The following GSDMD variants were observed in gnomAD, a reference collection of about 807,000 sequenced individuals.
The protein encoded by GSDMD is gasdermin D.
GSDMD carries 46 observed loss-of-function variants against 46.7 expected under a neutral mutation model. That is an observed-to-expected ratio of 0.99 (90% CI 0.78 to 1.26). The LOEUF (loss-of-function observed/expected upper bound fraction) is 1.26, where lower values mean the gene tolerates loss of function less well. Among genes scored for constraint, GSDMD ranks in the 50% most tolerant of loss-of-function variants. The probability of loss-of-function intolerance (pLI) is 0.00; values close to 1 mark genes in which losing one functional copy is unlikely to be tolerated. For missense variants in GSDMD, 649 were observed against 638.8 expected (o/e 1.02, Z -0.17); for synonymous variants, 307 against 283.1 (o/e 1.08, Z -0.85).
In GSDMD at chr8:143,562,063, C is replaced by T; in HGVS notation, c.928C>T (p.Gln310Ter). The change falls in exon 8 of 11, where the codon CAG becomes TAG. Residue 310 changes from glutamine to a stop codon, truncating the protein, a stop_gained. Coordinates refer to ENST00000262580, the MANE Select transcript of GSDMD (RefSeq NM_024736.7). LOFTEE classifies it high-confidence loss of function. ...GGAGCTTTTGGACAGAGAGCTGTGC[C>T]AGCTGCTGCTGGAGGGCCTGGAGGG... The part of the protein sequence containing the change: ...ELELLDRELC[Q>*]LLLEGLEGVL... 2 of 1,597,208 alleles carry T rather than the reference C, an allele frequency of 1.3e-6. No homozygotes were observed. Among genetic ancestry groups the T allele is most frequent in the Non-Finnish European group, 1.7e-6 (2 of 1,176,768 alleles).
At position 143,558,646 on chromosome 8, in the gene GSDMD, C is replaced by CTGGGCT. The variant is rs1020050451; in HGVS notation, c.-5+204_-5+209dup. 4 of 602,818 alleles carry CTGGGCT rather than the reference C, an allele frequency of 6.6e-6. No homozygotes were observed. The African/African-American group carries it at 7.9e-5, about 12-fold the overall frequency. The allele number at this position is 602,818 out of a possible 1,614,324, so 37.3% of individuals were successfully genotyped here. On this transcript the variant is annotated intron_variant, in intron 1 of 10. Transcript: ENST00000262580. ...CAGCCCAGGGGCCCGGCCTTTGGACCTGGGCTTGGGCTTGACTCCCAGGTC... is the reference window on the plus strand; with the variant it reads ...CAGCCCAGGGGCCCGGCCTTTGGACCTGGGCTTGGGCTTGGGCTTGACTCCCAGGTC...
At chr8:143,554,258 C>T (rs1484050146), upstream of GSDMD, among the ~76,000 whole-genome samples, 4 of 152,272 alleles carry the variant, frequency 2.6e-5, 1 homozygote, top group Non-Finnish European at 5.9e-5. Flanking sequence ...CAGAGGCCCA[C>T]TTACATATAA....
intron 1 of GSDMD, 117 bp from the exon 2 acceptor site, chr8:143,559,215 G>C: frequency 1.5e-6 from 1 of 681,992 alleles, no homozygotes; most frequent in Non-Finnish European, 2.5e-6. Context: ...GAGCTGGGCA[G>C]GGCTGTTCTG....
At chr8:143,562,389 G>T (rs1271029475) in intron 9 of GSDMD, 39 bp downstream of exon 9, 1 of 1,547,210 alleles carries the variant, frequency 6.5e-7, no homozygotes. Flanking sequence ...GTGGGAGGGA[G>T]GGAGGTGGGC....
rs377242048 is a variant in GSDMD, at chr8:143,562,198, C to T, written c.997-11C>T. Reference sequence around the variant, plus strand: ...GCCAGCCAGACTCACCTGCCCTTCCCGTGCCCACAGCTGGAGCAGGGCCAG... The same window carrying T: ...GCCAGCCAGACTCACCTGCCCTTCCTGTGCCCACAGCTGGAGCAGGGCCAG... On this transcript the variant is annotated splice_polypyrimidine_tract_variant and intron_variant, in intron 8 of 10. Coordinates refer to ENST00000262580, the MANE Select transcript of GSDMD (RefSeq NM_024736.7). The T allele has an allele frequency of 2.0e-5, 32 of 1,585,144 alleles. No individual in the cohort carries two copies. The highest frequency in any genetic ancestry group is 7.8e-5 in the South Asian group (7 of 89,186).
At position 143,563,008 on chromosome 8, in the gene GSDMD, C is replaced by A; in HGVS notation, c.*104C>A. 1 of 1,476,230 alleles carries A rather than the reference C, an allele frequency of 6.8e-7. No homozygotes were observed. Among genetic ancestry groups the A allele is most frequent in the South Asian group, 1.2e-5 (1 of 85,136 alleles). The allele number at this position is 1,476,230 out of a possible 1,614,324, so 91.4% of individuals were successfully genotyped here. ...GGAGCCCAGTAGCCATGTGGCCAGT[C>A]TACCATGGGGCCCAGGAGTTGGGGA... On this transcript the variant is annotated 3_prime_UTR_variant, in exon 11 of 11. Coordinates refer to ENST00000262580, the MANE Select transcript of GSDMD (RefSeq NM_024736.7).
intron 6 of GSDMD, 51 bp downstream of exon 6, chr8:143,561,474 C>T (rs1177209639): frequency 1.3e-6 from 2 of 1,561,864 alleles, no homozygotes; most frequent in Non-Finnish European, 1.7e-6. Context: ...AAAGCACACT[C>T]CCTGGGCAGT....
upstream of GSDMD, among the ~76,000 whole-genome samples, chr8:143,556,241 G>T (rs1008183796): frequency 6.3e-4 from 96 of 152,108 alleles, no homozygotes; most frequent in Non-Finnish European, 5.7e-4. Context: ...TTAGCCGGGT[G>T]TGGTGGTACA....
chr8:143,558,408 GCAGACGCGC>G lies in GSDMD; in HGVS notation c.-36_-28del, dbSNP rs1384507081. The G allele has an allele frequency of 8.6e-6, 13 of 1,511,570 alleles. No homozygotes were observed. Among genetic ancestry groups the G allele is most frequent in the East Asian group, 8.1e-5 (3 of 37,256 alleles). 93.6% of individuals were successfully genotyped at this position (1,511,570 alleles called of 1,614,324 possible). A position where few individuals can be genotyped will look rare whatever the true frequency, so the allele number is the denominator to read the frequency against. On this transcript the variant is annotated 5_prime_UTR_variant, in exon 1 of 11. Coordinates refer to ENST00000262580, the MANE Select transcript of GSDMD (RefSeq NM_024736.7). ...GCTCGCCGGACGGCTCCCAGGGAGA[GCAGACGCGC>G]CAGACGCGCCACCCTCGGGGCGCCG... is the stretch of plus-strand genomic sequence containing the variant.
Position 143,560,713 on chromosome 8 carries a change from G to T in GSDMD, c.521G>T (p.Arg174Leu). The change falls in exon 4 of 11, where the codon CGC becomes CTC. Residue 174 changes from arginine (R) to leucine (L), a missense_variant. By Grantham distance (102) the Arg-to-Leu change is moderately radical. Transcript: ENST00000262580. ...ACACAGAAGGAGGTGGAAGTCACGC[G>T]CACCCACAAGCGGGAGGGCTCGGGC... ...LQTQKEVEVTRTHKREGSGRF... is the reference protein window; with the variant it reads ...LQTQKEVEVTLTHKREGSGRF... The T allele has an allele frequency of 6.3e-7, 1 of 1,575,332 alleles. No homozygotes were observed.
Position 143,559,315 on chromosome 8 carries a change from C to G in GSDMD, c.-4-17C>G, listed in dbSNP as rs973460721. ...CCGCCCCGAGAGCACAATGCCTGAC[C>G]CATTTCCCCTCCTCAGGAGCATGGG... On this transcript the variant is annotated splice_polypyrimidine_tract_variant and intron_variant, in intron 1 of 10. Coordinates refer to ENST00000262580, the MANE Select transcript of GSDMD (RefSeq NM_024736.7). 1.4e-6 allele frequency: 2 copies of G among 1,464,258 alleles called. No homozygotes were observed. The highest frequency in any genetic ancestry group is 1.4e-5 in the African/African-American group (1 of 71,382). The allele number at this position is 1,464,258 out of a possible 1,614,324, so 90.7% of individuals were successfully genotyped here. A position where few individuals can be genotyped will look rare whatever the true frequency, so the allele number is the denominator to read the frequency against.
At position 143,559,391 on chromosome 8, in the gene GSDMD, G is replaced by T. The variant is rs1370209022; in HGVS notation, c.56G>T (p.Gly19Val). The change falls in exon 2 of 11, where the codon GGT becomes GTT. Residue 19 changes from glycine (G) to valine (V), a missense_variant. Transcript: ENST00000262580. ...VRRVVQELDH[G>V]GEFIPVTSLQ... Reference sequence around the variant, plus strand: ...AGAGTGGTCCAGGAGCTGGACCATGGTGGGGAGTTCATCCCTGTGACCAGC... The same window carrying T: ...AGAGTGGTCCAGGAGCTGGACCATGTTGGGGAGTTCATCCCTGTGACCAGC... The T allele has an allele frequency of 6.2e-7, 1 of 1,612,942 alleles. No individual in the cohort carries two copies.
chr8:143,554,680 T>C (rs1823270669), upstream of GSDMD, among the ~76,000 whole-genome samples: 1 of 127,886 alleles, frequency 7.8e-6, no homozygotes, highest in African/African-American at 3.1e-5. Flanking sequence ...ACAAACACGC[T>C]CAACACGCAC....
Position 143,559,872 on chromosome 8 carries a change from G to A in GSDMD, c.313G>A (p.Ala105Thr), listed in dbSNP as rs770204219. 1.1e-5 allele frequency: 17 copies of A among 1,612,786 alleles called. No homozygotes were observed. The highest frequency in any genetic ancestry group is 1.7e-5 in the Admixed American group (1 of 60,012). Residue 105 changes from alanine to threonine, a missense_variant, in exon 3 of 11, where the codon GCA (alanine) becomes ACA (threonine). By Grantham distance (58) the Ala-to-Thr change is moderately conservative. Transcript: ENST00000262580. ...ELAAPGQAKI[A>T]GGAAVSDSSS... ...GGCAGCCCCAGGACAGGCAAAGATC[G>A]CAGGCGGGGCCGCGGTGTCTGACAG...
At position 143,558,393 on chromosome 8, in the gene GSDMD, C is replaced by T. The variant is rs764621237; in HGVS notation, c.-63C>T. On this transcript the variant is annotated 5_prime_UTR_variant, in exon 1 of 11. In the 5' UTR this introduces an upstream ATG that the reference lacks. Coordinates refer to ENST00000262580, the MANE Select transcript of GSDMD (RefSeq NM_024736.7). Reference sequence around the variant, plus strand: ...GCACCTCCAGCTCCTGCTCGCCGGACGGCTCCCAGGGAGAGCAGACGCGCC... The same window carrying T: ...GCACCTCCAGCTCCTGCTCGCCGGATGGCTCCCAGGGAGAGCAGACGCGCC... The T allele has an allele frequency of 5.0e-5, 76 of 1,518,756 alleles. 1 individual carries two copies. The highest frequency in any genetic ancestry group is 1.7e-4 in the South Asian group (14 of 83,038). The allele number at this position is 1,518,756 out of a possible 1,614,324, so 94.1% of individuals were successfully genotyped here.
chr8:143,562,485 G>C lies in GSDMD; in HGVS notation c.1176G>C (p.Ala392=). Residue 392 remains alanine, a synonymous_variant, in exon 10 of 11, where the codon GCG becomes GCC. Transcript: ENST00000262580. ...CGCAGCACAAGCTGCTGGCGGAGGC[G>C]CTGGAGTCGCAGACCCTGTTGGGGC... ...SETQHKLLAE[A]LESQTLLGPL... 2 of 1,608,598 alleles carry C rather than the reference G, an allele frequency of 1.2e-6. No homozygotes were observed.
intron 7 of GSDMD, 50 bp downstream of exon 7, chr8:143,561,878 C>T: frequency 1.2e-6 from 2 of 1,609,864 alleles, no homozygotes; most frequent in Non-Finnish European, 1.7e-6. Flanking sequence ...CTCTCCTGCC[C>T]CCTGGGGTCT....
At chr8:143,557,485 G>A (rs957658243), upstream of GSDMD, among the ~76,000 whole-genome samples, 11 of 149,230 alleles carry the variant, frequency 7.4e-5, no homozygotes, top group African/African-American at 2.6e-4. Flanking sequence ...CCGCTGTGAC[G>A]ACGGATGCTG....
chr8:143,560,023 T>C (rs1823412836), intron 3 of GSDMD, 54 bp downstream of exon 3: 1 of 1,274,450 alleles, frequency 7.8e-7, no homozygotes. Context: ...CAAGCAACCC[T>C]GCTTTTATTT....
Sources: allele counts gnomAD v4.1 joint callset (sites outside exome capture counted in the v4.1 genomes callset), GRCh38; gene constraint gnomAD v4.1.1; transcripts MANE v1.5; gene names NCBI Gene and HGNC (gene_info 2026-07-23, HGNC 2026-07-21).